The following MRPL42 variants were observed in gnomAD, a reference collection of about 807,000 sequenced individuals.
MRPL42 encodes the protein mitochondrial ribosomal protein L42.
MRPL42 carries 17 observed loss-of-function variants against 17.9 expected under a neutral mutation model. The observed-to-expected ratio is 0.95, with a 90% CI of 0.65 to 1.42. MRPL42 has a LOEUF of 1.42. MRPL42 is among the 40% of genes most tolerant of loss of function. MRPL42 has a pLI of 0.00. For synonymous variants in MRPL42, 59 were observed against 54.4 expected (o/e 1.08, Z -0.37); for missense variants, 177 against 175.2 (o/e 1.01, Z -0.06).
chr12:93,477,944 T>G (rs1880262162), intron 3 of MRPL42, among the ~76,000 whole-genome samples: 1 of 151,936 alleles, frequency 6.6e-6, no homozygotes, highest in Admixed American at 6.6e-5. Flanking sequence ...ATTACAGGCA[T>G]GAGGCACTGC....
intron 4 of MRPL42, among the ~76,000 whole-genome samples, chr12:93,484,636 A>C (rs1880617710): frequency 6.6e-6 from 1 of 151,696 alleles, no homozygotes; most frequent in African/African-American, 2.4e-5. Context: ...TTGCCCTGTC[A>C]CCCAGGGTGG....
rs779869009 is a variant in MRPL42, at chr12:93,487,478, G to T, written c.220-19G>T. 1 of 1,598,266 alleles carries T rather than the reference G, an allele frequency of 6.3e-7. No homozygotes were observed. Among genetic ancestry groups the T allele is most frequent in the Non-Finnish European group, 8.5e-7 (1 of 1,171,752 alleles). ...ACATTCCCACATCTTCATGATGTTT[G>T]TTACTGATTATTTTGTAGCCTATCC... On this transcript the variant is annotated intron_variant, in intron 4 of 5. Transcript: ENST00000549982.
Position 93,494,971 on chromosome 12 carries a change from G to A in MRPL42, c.384-6205G>A, listed in dbSNP as rs148886125. Among the ~76,000 whole-genome samples, 468 of 152,314 alleles carry A rather than the reference G, an allele frequency of 3.1e-3. 5 individuals are homozygous for A. Among genetic ancestry groups the A allele is most frequent in the African/African-American group, 0.011 (446 of 41,566 alleles). ...ATACAGGGGTCCCCAGAGAAACTCCGACCAGCTTGTGCACTGGGAAAATGG... is the reference window on the plus strand; with the variant it reads ...ATACAGGGGTCCCCAGAGAAACTCCAACCAGCTTGTGCACTGGGAAAATGG... On this transcript the variant is annotated intron_variant, in intron 5 of 5. Coordinates refer to ENST00000549982, the MANE Select transcript of MRPL42 (RefSeq NM_014050.4).
chr12:93,482,654 A>G (rs1592774128), intron 4 of MRPL42, among the ~76,000 whole-genome samples: 2 of 152,182 alleles, frequency 1.3e-5, no homozygotes, highest in East Asian at 3.8e-4. Context: ...AGAACATGTT[A>G]CTATTAGTAG....
intron 2 of MRPL42, among the ~76,000 whole-genome samples, chr12:93,471,782 G>A (rs1000683140): frequency 6.6e-6 from 1 of 152,130 alleles, no homozygotes; most frequent in South Asian, 2.1e-4. Context: ...ACCAAAATAA[G>A]TCACAACAAA....
At chr12:93,485,443 A>C (rs1308573421) in intron 4 of MRPL42, among the ~76,000 whole-genome samples, 1 of 152,078 alleles carries the variant, frequency 6.6e-6, no homozygotes, top group Non-Finnish European at 1.5e-5. Flanking sequence ...GCACCTGGCC[A>C]CATTGCCTTT....
At chr12:93,473,948 T>C (rs906815786) in intron 2 of MRPL42, among the ~76,000 whole-genome samples, 3 of 152,160 alleles carry the variant, frequency 2.0e-5, no homozygotes, top group African/African-American at 4.8e-5. Flanking sequence ...GTAGGCACTA[T>C]AGGGGACACA....
intron 4 of MRPL42, among the ~76,000 whole-genome samples, chr12:93,482,119 C>G (rs1418933842): frequency 6.6e-6 from 1 of 152,188 alleles, no homozygotes; most frequent in Non-Finnish European, 1.5e-5. Context: ...GACCACAACT[C>G]CAGCTGTTCT....
At chr12:93,478,934 A>ATTTT (rs1880320779) in intron 3 of MRPL42, among the ~76,000 whole-genome samples, 3 of 84,506 alleles carry the variant, frequency 3.6e-5, no homozygotes, top group African/African-American at 5.9e-5. Context: ...TTATTTATTT[A>ATTTT]TTTATTTATT....
chr12:93,469,436 A>C (rs954654333), intron 2 of MRPL42, 81 bp downstream of exon 2: 3 of 993,866 alleles, frequency 3.0e-6, no homozygotes, highest in East Asian at 5.3e-5. Context: ...GTTATTGTAT[A>C]TGCCTGTAAT....
chr12:93,478,723 G>C lies in MRPL42; in HGVS notation c.135-665G>C, dbSNP rs138042604. ...AAATGTTCATTGTAGCCATGTTATG[G>C]TATTCAATCTTGAAACCACGGTGAA... On this transcript the variant is annotated intron_variant, in intron 3 of 5. Transcript: ENST00000549982. Among the ~76,000 whole-genome samples the C allele has an allele frequency of 2.2e-3, 339 of 152,154 alleles. 2 individuals carry two copies. The highest frequency in any genetic ancestry group is 7.9e-3 in the African/African-American group (326 of 41,524).
chr12:93,470,935 A>G (rs1879881507), intron 2 of MRPL42, among the ~76,000 whole-genome samples: 1 of 152,164 alleles, frequency 6.6e-6, no homozygotes, highest in Non-Finnish European at 1.5e-5. Flanking sequence ...TGACTTTTTA[A>G]ATACAACTCT....
At position 93,493,901 on chromosome 12, in the gene MRPL42, A is replaced by T. The variant is rs549356650; in HGVS notation, c.383+6241A>T. On this transcript the variant is annotated intron_variant, in intron 5 of 5. Coordinates refer to ENST00000549982, the MANE Select transcript of MRPL42 (RefSeq NM_014050.4). The stretch of plus-strand genomic sequence containing the variant: ...CCAATACAGGAGATAGGAAAATAAG[A>T]TGAATAAGCTGGTCAGGGAAGCCTT... Among the ~76,000 whole-genome samples the T allele has an allele frequency of 6.9e-3, 221 of 31,966 alleles. 8 individuals carry two copies. Among genetic ancestry groups the T allele is most frequent in the African/African-American group, 0.028 (203 of 7,192 alleles). 21.0% of individuals were successfully genotyped at this position (31,966 alleles called of 152,430 possible). A position where few individuals can be genotyped will look rare whatever the true frequency, so the allele number is the denominator to read the frequency against.
intron 5 of MRPL42, among the ~76,000 whole-genome samples, chr12:93,493,996 C>T (rs2094839646): frequency 9.8e-6 from 1 of 101,748 alleles, no homozygotes; most frequent in Non-Finnish European, 2.0e-5. Context: ...GTGTTCTATG[C>T]AGACAAACAG....
At chr12:93,483,234 C>T (rs548130571) in intron 4 of MRPL42, among the ~76,000 whole-genome samples, 1 of 152,202 alleles carries the variant, frequency 6.6e-6, no homozygotes, top group Non-Finnish European at 1.5e-5. Context: ...GCTTGTCTCC[C>T]TTTCTACTTT....
rs1565824478 is a variant in MRPL42 at position 93,516,170 on chromosome 12, GTTC to G, written c.*14955_*14957del. ...CACCCCATGGTTCCCTATGTTGTGT[GTTC>G]TTCTTTGCTGCAATGAGTAATAAAC... On this transcript the variant is annotated 3_prime_UTR_variant, in exon 6 of 6. Transcript: ENST00000549982. 2 of 152,176 alleles carry G rather than the reference GTTC, an allele frequency of 1.3e-5. No homozygotes were observed. Among genetic ancestry groups the G allele is most frequent in the Admixed American group, 6.6e-5 (1 of 15,264 alleles). The allele number at this position is 152,176 out of a possible 1,614,324, so 9.4% of individuals were successfully genotyped here.
chr12:93,486,967 C>A (rs892885197), intron 4 of MRPL42, among the ~76,000 whole-genome samples: 4 of 151,882 alleles, frequency 2.6e-5, no homozygotes, highest in African/African-American at 9.7e-5. Flanking sequence ...CCCGGCCTTT[C>A]TATTTTTCTT....
intron 2 of MRPL42, among the ~76,000 whole-genome samples, chr12:93,469,713 A>G (rs2121155560): frequency 6.6e-6 from 1 of 152,344 alleles, no homozygotes; most frequent in African/African-American, 2.4e-5. Context: ...TGTTACTGAC[A>G]TGGAAAGATC....
chr12:93,478,688 T>G (rs1216862905), intron 3 of MRPL42, among the ~76,000 whole-genome samples: 2 of 152,196 alleles, frequency 1.3e-5, no homozygotes, highest in African/African-American at 4.8e-5. Context: ...AAGAAATCGT[T>G]TGACAGATTA....
Sources: gnomAD v4.1 joint callset for allele counts (sites outside exome capture counted in the v4.1 genomes callset) on GRCh38, gnomAD v4.1.1 for gene constraint, MANE v1.5 for transcripts, NCBI Gene and HGNC (gene_info 2026-07-23, HGNC 2026-07-21) for gene names.